Variants in CLEC16A observed in about 807,000 individuals in gnomAD.
CLEC16A encodes C-type lectin domain containing 16A.
In CLEC16A, 51 loss-of-function variants were observed where a neutral mutation model predicts 109.5. The observed-to-expected ratio is 0.47, with a 90% CI of 0.37 to 0.59. The LOEUF (loss-of-function observed/expected upper bound fraction) is 0.59, where lower values mean the gene tolerates loss of function less well. Among genes scored for constraint, CLEC16A ranks in the 20% least tolerant of loss-of-function variants. The pLI, the probability that CLEC16A is intolerant of heterozygous loss-of-function variation, is 0.00. For missense variants in CLEC16A, 1,339 were observed against 1,394.0 expected, an observed-to-expected ratio of 0.96 and a Z score of 0.63; for synonymous variants, 673 against 564.2, an observed-to-expected ratio of 1.19 and a Z score of -2.73.
At chr16:10,967,595 C>T (rs1479352122) in intron 3 of CLEC16A, among the ~76,000 whole-genome samples, 1 of 152,192 alleles carries the variant, frequency 6.6e-6, no homozygotes, top group African/African-American at 2.4e-5. Context: ...TGGCAGTTAA[C>T]ATTATCGAGT....
intron 15 of CLEC16A, among the ~76,000 whole-genome samples, chr16:11,043,463 C>G (rs1203481571): frequency 3.9e-5 from 6 of 151,972 alleles, no homozygotes; most frequent in Non-Finnish European, 8.8e-5. Context: ...CCCATTTTCC[C>G]CCAATTAACT....
chr16:10,988,393 G>A (rs2043800186), intron 10 of CLEC16A, among the ~76,000 whole-genome samples: 1 of 152,066 alleles, frequency 6.6e-6, no homozygotes, highest in East Asian at 1.9e-4. Flanking sequence ...CCCTCCCTGG[G>A]CTTCCCTCCT....
intron 8 of CLEC16A, among the ~76,000 whole-genome samples, chr16:10,978,141 A>G (rs529779916): frequency 6.6e-6 from 1 of 152,318 alleles, no homozygotes; most frequent in Admixed American, 6.5e-5. Context: ...CAGGGTGGTG[A>G]CTGTCCACTG....
At chr16:11,027,220 A>C in intron 13 of CLEC16A, 1 of 1,441,700 alleles carries the variant, frequency 6.9e-7, no homozygotes, top group Non-Finnish European at 9.7e-7. Context: ...AAACCTGACA[A>C]GGTGCATCTC....
intron 22 of CLEC16A, among the ~76,000 whole-genome samples, chr16:11,146,843 C>T (rs1273606855): frequency 1.3e-5 from 2 of 152,106 alleles, no homozygotes; most frequent in Non-Finnish European, 2.9e-5. Flanking sequence ...AAACATTGTT[C>T]ACTGGGGACT....
chr16:11,081,702 G>A (rs1430637762), intron 19 of CLEC16A, among the ~76,000 whole-genome samples: 1 of 152,182 alleles, frequency 6.6e-6, no homozygotes, highest in African/African-American at 2.4e-5. Flanking sequence ...TTTGAGCCAG[G>A]AGGAATTTTA....
intron 10 of CLEC16A, among the ~76,000 whole-genome samples, chr16:10,990,979 A>G (rs2043971629): frequency 6.6e-6 from 1 of 152,194 alleles, no homozygotes; most frequent in Non-Finnish European, 1.5e-5. Context: ...TCAGATATTC[A>G]GCAGATAATT....
Position 11,166,511 on chromosome 16 carries a change from C to T in CLEC16A, c.2765C>T (p.Thr922Ile). 6.2e-7 allele frequency: 1 copy of T among 1,608,766 alleles called. No individual in the cohort carries two copies. The change falls in exon 23 of 24, where the codon ACC (threonine) becomes ATC (isoleucine). Residue 922 changes from threonine (T) to isoleucine (I), a missense_variant. Around this residue, in one of 3 missense-constraint regions of CLEC16A, gnomAD observed 1,061 missense variants for 1,006.8 expected, o/e 1.05. Coordinates refer to ENST00000409790, the MANE Select transcript of CLEC16A (RefSeq NM_015226.3). ...GSTSHCDSGG[T>I]SSSSTPSTAQ... ...ACCAGCCACTGCGACTCTGGAGGCACCAGCTCGTCCTCCACCCCCTCCACA... is the reference window on the plus strand; with the variant it reads ...ACCAGCCACTGCGACTCTGGAGGCATCAGCTCGTCCTCCACCCCCTCCACA...
intron 19 of CLEC16A, among the ~76,000 whole-genome samples, chr16:11,078,366 A>C (rs947617342): frequency 6.6e-6 from 1 of 152,160 alleles, no homozygotes; most frequent in African/African-American, 2.4e-5. Flanking sequence ...ATGGGATTAG[A>C]CAGAGTGAGG....
chr16:11,166,543 A>T lies in CLEC16A; in HGVS notation c.2797A>T (p.Ser933Cys), dbSNP rs752295331. 30 of 1,598,324 alleles carry T rather than the reference A, an allele frequency of 1.9e-5. No homozygotes were observed. The Admixed American group carries it at 4.9e-4, about 26-fold the overall frequency. ...GTCCTCCACCCCCTCCACAGCCCAG[A>T]GTCCAGCAGGTATTGGCCACGTGAC... ...SSSSTPSTAQ[S>C]PADAPMSPEL... Residue 933 changes from serine (S) to cysteine (C), a missense_variant, in exon 23 of 24, where the codon AGT becomes TGT. Physicochemically the swap from Ser to Cys is moderately radical, Grantham distance 112. Coordinates refer to ENST00000409790, the MANE Select transcript of CLEC16A (RefSeq NM_015226.3).
At chr16:11,057,958 C>T (rs1414820861) in intron 18 of CLEC16A, among the ~76,000 whole-genome samples, 2 of 152,192 alleles carry the variant, frequency 1.3e-5, no homozygotes, top group Non-Finnish European at 2.9e-5. Flanking sequence ...GCATAGTATG[C>T]GGCAGGCCAT....
At chr16:11,155,267 A>G (rs746658689) in intron 22 of CLEC16A, among the ~76,000 whole-genome samples, 6 of 151,792 alleles carry the variant, frequency 4.0e-5, no homozygotes, top group Non-Finnish European at 8.8e-5. Flanking sequence ...CGAACCCTGT[A>G]AGGTGTGGTG....
intron 13 of CLEC16A, among the ~76,000 whole-genome samples, chr16:11,030,676 A>C (rs986116680): frequency 2.6e-5 from 4 of 152,076 alleles, no homozygotes; most frequent in Non-Finnish European, 5.9e-5. Flanking sequence ...ACGGAGTCTC[A>C]CTCTGTTGCC....
At chr16:11,086,647 A>G (rs2050026390) in intron 19 of CLEC16A, among the ~76,000 whole-genome samples, 1 of 152,072 alleles carries the variant, frequency 6.6e-6, no homozygotes, top group Non-Finnish European at 1.5e-5. Flanking sequence ...GGTTCAAGCG[A>G]TTCTCCTGCC....
intron 18 of CLEC16A, among the ~76,000 whole-genome samples, chr16:11,053,451 C>A (rs1015879667): frequency 2.0e-5 from 3 of 151,630 alleles, no homozygotes; most frequent in African/African-American, 7.3e-5. Context: ...CACTGCAACA[C>A]ACTCTGCCCC....
At chr16:11,142,164 C>T (rs931475554) in intron 22 of CLEC16A, among the ~76,000 whole-genome samples, 2 of 152,150 alleles carry the variant, frequency 1.3e-5, no homozygotes, top group South Asian at 2.1e-4. Context: ...AGGTAACTTG[C>T]CCGAAGTCAC....
intron 11 of CLEC16A, among the ~76,000 whole-genome samples, chr16:11,010,838 G>A (rs961987674): frequency 3.9e-5 from 6 of 152,060 alleles, no homozygotes; most frequent in East Asian, 1.9e-4. Flanking sequence ...TCTCTTTTGC[G>A]ACATTGACTT....
intron 17 of CLEC16A, chr16:11,048,414 C>T (rs1434457002): frequency 6.6e-6 from 1 of 152,270 alleles, no homozygotes; most frequent in Non-Finnish European, 1.5e-5. Context: ...TGGCTAGGTA[C>T]TCCATAAGTA....
In CLEC16A at chr16:10,977,390, C is replaced by T. The variant is rs2043079877; in HGVS notation, c.894C>T (p.Asn298=). The T allele has an allele frequency of 6.2e-7, 1 of 1,613,142 alleles. No homozygotes were observed. Among genetic ancestry groups the T allele is most frequent in the Non-Finnish European group, 8.5e-7 (1 of 1,179,520 alleles). Residue 298 remains asparagine (N), a synonymous_variant, in exon 8 of 24, where the codon AAC becomes AAT. Transcript: ENST00000409790. ...CCCTCTACGTGTACTCACTGGAGAA[C>T]CAGGACAAGGTGGGTCCAGCCCCGT... ...FLPLYVYSLE[N]QDKGGERPKI... is the part of the protein sequence containing the mutation.
Sources: gnomAD v4.1 joint callset for allele counts (sites outside exome capture counted in the v4.1 genomes callset) on GRCh38, gnomAD v4.1.1 for gene constraint, gnomAD v4.1.1 regional missense constraint, MANE v1.5 for transcripts, NCBI Gene and HGNC (gene_info 2026-07-23, HGNC 2026-07-21) for gene names.